Variants in PPFIBP2 observed in about 807,000 individuals in gnomAD.
PPFIBP2 encodes PPFIB scaffold protein 2.
In PPFIBP2, 118 loss-of-function variants were observed where a neutral mutation model predicts 118.3. That is an observed-to-expected ratio of 1.00 (90% CI 0.86 to 1.16). The LOEUF is 1.16. PPFIBP2 is among the 50% of genes most tolerant of loss of function. The probability of loss-of-function intolerance (pLI) is 0.00; values close to 1 mark genes in which losing one functional copy is unlikely to be tolerated. For synonymous variants in PPFIBP2, 414 were observed against 397.4 expected (o/e 1.04, Z -0.50); for missense variants, 1,195 against 1,073.1 (o/e 1.11, Z -1.59).
chr11:7,602,595 G>A (rs1354715564), intron 5 of PPFIBP2, among the ~76,000 whole-genome samples: 1 of 152,092 alleles, frequency 6.6e-6, no homozygotes, highest in Non-Finnish European at 1.5e-5. Flanking sequence ...TCCAGAGACT[G>A]GCCATTTACA....
At chr11:7,605,791 T>C in intron 5 of PPFIBP2, 1 of 1,386,764 alleles carries the variant, frequency 7.2e-7, no homozygotes, top group Non-Finnish European at 9.3e-7. Flanking sequence ...CAGAAGATTG[T>C]GGCCAGAGGA....
chr11:7,655,356 G>T (rs77079228), downstream of PPFIBP2: 4 of 1,149,570 alleles, frequency 3.5e-6, no homozygotes, highest in South Asian at 5.1e-5. Flanking sequence ...GCTTGAGCAC[G>T]ACAGGACTTG....
chr11:7,647,864 T>C (rs1853344143), intron 17 of PPFIBP2, among the ~76,000 whole-genome samples: 1 of 152,252 alleles, frequency 6.6e-6, no homozygotes, highest in Non-Finnish European at 1.5e-5. Flanking sequence ...TTATTGACTT[T>C]AATGTGAATG....
At chr11:7,644,890 G>A (rs1005751202) in intron 17 of PPFIBP2, among the ~76,000 whole-genome samples, 2 of 151,238 alleles carry the variant, frequency 1.3e-5, no homozygotes, top group Non-Finnish European at 3.0e-5. Flanking sequence ...AGCCGGGCGT[G>A]GTGGCGGGCG....
At chr11:7,613,643 A>G (rs970213499) in intron 6 of PPFIBP2, among the ~76,000 whole-genome samples, 2 of 152,212 alleles carry the variant, frequency 1.3e-5, no homozygotes. Context: ...AAAGAAAGAG[A>G]TCCAGAGGTA....
At chr11:7,663,729 G>A in the PPFIBP2 span, among the ~76,000 whole-genome samples, 21 of 152,298 alleles carry the variant, frequency 1.4e-4, no homozygotes, top group Middle Eastern at 3.4e-3. Flanking sequence ...GGGTAATGGC[G>A]GGCGCCCCTC....
At chr11:7,592,707 A>C (rs1859557128) in intron 3 of PPFIBP2, among the ~76,000 whole-genome samples, 1 of 152,184 alleles carries the variant, frequency 6.6e-6, no homozygotes, top group African/African-American at 2.4e-5. Flanking sequence ...GGAGATACCA[A>C]GATCTGTGCA....
intron 1 of PPFIBP2, among the ~76,000 whole-genome samples, chr11:7,514,861 A>C (rs1849094073): frequency 6.6e-6 from 1 of 152,244 alleles, no homozygotes. Flanking sequence ...GAATCTAATT[A>C]TATTTTTACT....
At chr11:7,588,035 T>C (rs1236124662) in intron 3 of PPFIBP2, among the ~76,000 whole-genome samples, 1 of 152,194 alleles carries the variant, frequency 6.6e-6, no homozygotes, top group Non-Finnish European at 1.5e-5. Context: ...AGTTTCTTTT[T>C]TGGACCTGAC....
Position 7,534,300 on chromosome 11 carries a change from G to T in PPFIBP2, c.-36-15140G>T, listed in dbSNP as rs146732829. Among the ~76,000 whole-genome samples, 38 of 152,320 alleles carry T rather than the reference G, an allele frequency of 2.5e-4. No homozygotes were observed. In the East Asian group the frequency reaches 7.1e-3, roughly 29 times the overall value. ...AAGAATTCAAATGTACACAGAAATA[G>T]AAATAGTAAAATGCATCCTCTTACC... On this transcript the variant is annotated intron_variant, in intron 1 of 23. Transcript: ENST00000299492.
At chr11:7,642,531 C>T (rs1852352081) in intron 17 of PPFIBP2, 105 bp downstream of exon 17, 1 of 1,298,664 alleles carries the variant, frequency 7.7e-7, no homozygotes, top group African/African-American at 1.5e-5. Flanking sequence ...GCGGAAACCC[C>T]TTTCCATATT....
the PPFIBP2 span, among the ~76,000 whole-genome samples, chr11:7,664,601 G>T: frequency 6.6e-6 from 1 of 152,172 alleles, no homozygotes; most frequent in Non-Finnish European, 1.5e-5. Flanking sequence ...AGAACCAGTA[G>T]GTGAGAGAAT....
chr11:7,577,720 C>G, intron 3 of PPFIBP2: 1 of 450,172 alleles, frequency 2.2e-6, no homozygotes. Flanking sequence ...GGTGTGTGTG[C>G]CTGTGTGTGG....
chr11:7,541,353 T>C (rs139502886), intron 1 of PPFIBP2, among the ~76,000 whole-genome samples: 78 of 152,298 alleles, frequency 5.1e-4, no homozygotes, highest in African/African-American at 1.8e-3. Flanking sequence ...TGTAGTCATC[T>C]AGGGTGAGGT....
At chr11:7,621,496 A>T (rs768519865) in intron 7 of PPFIBP2, among the ~76,000 whole-genome samples, 2 of 152,160 alleles carry the variant, frequency 1.3e-5, no homozygotes, top group Non-Finnish European at 2.9e-5. Context: ...TCTTCAATCA[A>T]ATCATGTTTC....
At chr11:7,580,371 T>G (rs985675537) in intron 3 of PPFIBP2, among the ~76,000 whole-genome samples, 2 of 152,202 alleles carry the variant, frequency 1.3e-5, no homozygotes, top group African/African-American at 2.4e-5. Flanking sequence ...TCTGAACTCA[T>G]GCTTTTGAAG....
At chr11:7,604,577 C>T (rs1281658081) in intron 5 of PPFIBP2, among the ~76,000 whole-genome samples, 3 of 151,844 alleles carry the variant, frequency 2.0e-5, no homozygotes, top group African/African-American at 7.3e-5. Context: ...CACACCTACT[C>T]ACCCACCCAT....
chr11:7,615,654 C>CT (rs1848553396), intron 6 of PPFIBP2, among the ~76,000 whole-genome samples: 2 of 152,212 alleles, frequency 1.3e-5, no homozygotes, highest in Admixed American at 6.5e-5. Flanking sequence ...TGCTTTCACT[C>CT]TACTCAGAGG....
chr11:7,580,215 T>A (rs1468047006), intron 3 of PPFIBP2, among the ~76,000 whole-genome samples: 1 of 152,176 alleles, frequency 6.6e-6, no homozygotes, highest in Non-Finnish European at 1.5e-5. Context: ...TTCAACTGAC[T>A]CCATCCAGGC....
Sources: allele counts gnomAD v4.1 joint callset (sites outside exome capture counted in the v4.1 genomes callset), GRCh38; gene constraint gnomAD v4.1.1; transcripts MANE v1.5; gene names NCBI Gene and HGNC (gene_info 2026-07-23, HGNC 2026-07-21).